The following NEGR1 variants were observed in gnomAD, a reference collection of about 807,000 sequenced individuals.
NEGR1 encodes the protein IgLON family member 4.
NEGR1 carries 10 observed loss-of-function variants against 40.9 expected under a neutral mutation model. The ratio of observed to expected loss-of-function variants is 0.24; its 90% CI spans 0.15 to 0.42. NEGR1 has a LOEUF of 0.42. Ranked by LOEUF, NEGR1 falls within the 10% of genes least tolerant of loss-of-function variation. The pLI, the probability that NEGR1 is intolerant of heterozygous loss-of-function variation, is 1.00. For missense variants in NEGR1, 352 were observed against 438.9 expected (o/e 0.80, Z 1.77); for synonymous variants, 185 against 166.8 (o/e 1.11, Z -0.84).
At chr1:72,035,605 G>A (rs1451276538) in intron 1 of NEGR1, among the ~76,000 whole-genome samples, 1 of 152,096 alleles carries the variant, frequency 6.6e-6, no homozygotes, top group Non-Finnish European at 1.5e-5. Context: ...AATCACACAT[G>A]GTTAAGTGGA....
intron 6 of NEGR1, among the ~76,000 whole-genome samples, chr1:71,412,472 TA>T (rs1646329688): frequency 6.6e-6 from 1 of 152,214 alleles, no homozygotes; most frequent in South Asian, 2.1e-4. Context: ...TATATAACTA[TA>T]AACATCTTGA....
intron 6 of NEGR1, among the ~76,000 whole-genome samples, chr1:71,417,469 A>G (rs1263554540): frequency 1.3e-5 from 2 of 152,212 alleles, no homozygotes; most frequent in African/African-American, 4.8e-5. Flanking sequence ...TCTACTGAAA[A>G]GACGAATCTT....
chr1:71,725,973 T>C (rs1010286566), intron 3 of NEGR1, among the ~76,000 whole-genome samples: 2 of 152,130 alleles, frequency 1.3e-5, no homozygotes, highest in African/African-American at 4.8e-5. Flanking sequence ...TTAACAAAAA[T>C]GCCATCCTCA....
chr1:71,416,134 T>C (rs1341140969), intron 6 of NEGR1, among the ~76,000 whole-genome samples: 1 of 152,204 alleles, frequency 6.6e-6, no homozygotes, highest in Non-Finnish European at 1.5e-5. Context: ...GTGTCTTCAC[T>C]GTGACACTGT....
chr1:72,065,226 T>C (rs997631316), intron 1 of NEGR1, among the ~76,000 whole-genome samples: 4 of 152,150 alleles, frequency 2.6e-5, no homozygotes, highest in Admixed American at 6.6e-5. Context: ...ATTATTACTT[T>C]CTAAGGATAA....
intron 1 of NEGR1, among the ~76,000 whole-genome samples, chr1:72,049,610 C>T (rs1647038313): frequency 6.6e-6 from 1 of 151,628 alleles, no homozygotes; most frequent in Non-Finnish European, 1.5e-5. Flanking sequence ...TAGCCTCAAG[C>T]TCATTCCTCT....
chr1:72,030,559 C>T, intron 1 of NEGR1, among the ~76,000 whole-genome samples: 1 of 152,042 alleles, frequency 6.6e-6, no homozygotes, highest in East Asian at 1.9e-4. Context: ...TATTTTTATT[C>T]ATAAAGTAAT....
intron 2 of NEGR1, among the ~76,000 whole-genome samples, chr1:71,842,263 GTTATGAAAGTGTCTTCCCTGGTGATTC>G (rs1659268858): frequency 6.6e-6 from 1 of 152,128 alleles, no homozygotes. Flanking sequence ...GAAAGGGAAG[GTTATGAAAGTGTCTTCCCTGGTGATTC>G]TTTTGAAGGG....
At chr1:71,716,538 A>G (rs1481740823) in intron 3 of NEGR1, among the ~76,000 whole-genome samples, 3 of 152,124 alleles carry the variant, frequency 2.0e-5, no homozygotes, top group Non-Finnish European at 4.4e-5. Flanking sequence ...AAATTATGAA[A>G]CATTGTTCAG....
intron 2 of NEGR1, among the ~76,000 whole-genome samples, chr1:71,862,413 C>G (rs1659977232): frequency 6.6e-6 from 1 of 152,058 alleles, no homozygotes; most frequent in South Asian, 2.1e-4. Flanking sequence ...AACTACCTCA[C>G]TCACTCCCTG....
chr1:71,643,467 T>C (rs1179367123), intron 4 of NEGR1, among the ~76,000 whole-genome samples: 2 of 152,034 alleles, frequency 1.3e-5, no homozygotes, highest in African/African-American at 4.8e-5. Flanking sequence ...ACATAGTTCA[T>C]TGACTTTTCA....
intron 2 of NEGR1, among the ~76,000 whole-genome samples, chr1:71,880,248 T>A (rs1429192316): frequency 6.6e-6 from 1 of 152,074 alleles, no homozygotes; most frequent in African/African-American, 2.4e-5. Flanking sequence ...ATAATTTAAA[T>A]ATTTTATTTA....
At chr1:72,203,691 G>A (rs1288484556) in intron 1 of NEGR1, among the ~76,000 whole-genome samples, 1 of 152,022 alleles carries the variant, frequency 6.6e-6, no homozygotes, top group Admixed American at 6.6e-5. Context: ...ACATGCTGTG[G>A]AAAAATATTT....
At position 71,982,011 on chromosome 1, in the gene NEGR1, T is replaced by C. The variant is rs377099332; in HGVS notation, c.177-46700A>G. 2.2e-4 allele frequency among the ~76,000 whole-genome samples: 34 copies of C among 152,310 alleles called. No homozygotes were observed. The East Asian group carries it at 4.6e-3, about 21-fold the overall frequency. ...ATGTCTTGTTTGGCATTTTTTTGTT[T>C]TTGTTTTTGCATCCAATGAGCAATG... On this transcript the variant is annotated intron_variant, in intron 1 of 6. Coordinates refer to ENST00000357731, the MANE Select transcript of NEGR1 (RefSeq NM_173808.3).
chr1:71,738,984 T>A (rs1295225750), intron 3 of NEGR1, among the ~76,000 whole-genome samples: 2 of 151,968 alleles, frequency 1.3e-5, no homozygotes, highest in East Asian at 3.9e-4. Flanking sequence ...TCAAAGTGAC[T>A]TAACACAAAA....
intron 1 of NEGR1, among the ~76,000 whole-genome samples, chr1:72,039,063 A>T (rs548182459): frequency 6.6e-6 from 1 of 152,158 alleles, no homozygotes; most frequent in Non-Finnish European, 1.5e-5. Context: ...TTAGGTAGCC[A>T]GGTAGGAAAT....
chr1:72,018,060 T>G (rs1646727271), intron 1 of NEGR1, among the ~76,000 whole-genome samples: 1 of 152,140 alleles, frequency 6.6e-6, no homozygotes, highest in African/African-American at 2.4e-5. Flanking sequence ...TTGAAGGCAC[T>G]GAAAAAATAT....
intron 6 of NEGR1, among the ~76,000 whole-genome samples, chr1:71,500,496 C>T (rs544756914): frequency 2.6e-5 from 4 of 151,918 alleles, no homozygotes; most frequent in Non-Finnish European, 4.4e-5. Context: ...TTAAAAGGTC[C>T]GATCTTCTTT....
intron 6 of NEGR1, among the ~76,000 whole-genome samples, chr1:71,528,798 AC>A (rs1043094361): frequency 1.3e-5 from 2 of 151,242 alleles, no homozygotes; most frequent in African/African-American, 4.8e-5. Flanking sequence ...TGGTAAAAAA[AC>A]AATTGTTTCG....
Sources: gnomAD v4.1 joint callset for allele counts (sites outside exome capture counted in the v4.1 genomes callset) on GRCh38, gnomAD v4.1.1 for gene constraint, MANE v1.5 for transcripts, NCBI Gene and HGNC (gene_info 2026-07-23, HGNC 2026-07-21) for gene names.